Variants in PPP2R5C observed in about 807,000 individuals in gnomAD.
The protein encoded by PPP2R5C is serine/threonine-protein phosphatase 2A 56 kDa regulatory subunit gamma isoform.
PPP2R5C carries 7 observed loss-of-function variants against 68.9 expected under a neutral mutation model. That is an observed-to-expected ratio of 0.10 (90% CI 0.06 to 0.19). PPP2R5C has a LOEUF of 0.19. Ranked by LOEUF, PPP2R5C falls within the 10% of genes least tolerant of loss-of-function variation. The pLI, the probability that PPP2R5C is intolerant of heterozygous loss-of-function variation, is 1.00. For synonymous variants in PPP2R5C, 210 were observed against 222.2 expected, an observed-to-expected ratio of 0.95 and a Z score of 0.49; for missense variants, 348 against 641.3, an observed-to-expected ratio of 0.54 and a Z score of 4.94.
Position 101,899,723 on chromosome 14 carries a change from ATTCCAATACAC to A in PPP2R5C, c.853-1995_853-1985del, listed in dbSNP as rs1358412474. 6.6e-6 allele frequency among the ~76,000 whole-genome samples: 1 copy of A among 152,220 alleles called. No homozygotes were observed. The highest frequency in any genetic ancestry group is 6.5e-5 in the Admixed American group (1 of 15,282). Reference sequence around the variant, plus strand: ...TCCATCTGCTGTGTCCTTAATAGTGATTCCAATACACGCAAAGTGTGGTAGGAACACAATAA... The same window carrying A: ...TCCATCTGCTGTGTCCTTAATAGTGAGCAAAGTGTGGTAGGAACACAATAA... On this transcript the variant is annotated intron_variant, in intron 8 of 13. Coordinates refer to ENST00000334743, the Ensembl canonical transcript of PPP2R5C. This position sits in a 1 kb window ranked among gnomAD's most constrained non-coding sequence, Gnocchi z 4.2.
rs574688448 is a variant in PPP2R5C at position 101,804,568 on chromosome 14, C to T, written c.259+18385C>T. ...AGAAAGATCCAGTCATCTGCAGCAA[C>T]ATGGATGGAACTGGAGATCTTTATG... On this transcript the variant is annotated intron_variant, in intron 3 of 14. Transcript: ENST00000328724. Among the ~76,000 whole-genome samples, 30 of 152,254 alleles carry T rather than the reference C, an allele frequency of 2.0e-4. 1 individual carries two copies. Among genetic ancestry groups the T allele is most frequent in the Non-Finnish European group, 7.4e-5 (5 of 68,026 alleles).
intron 2 of PPP2R5C, among the ~76,000 whole-genome samples, chr14:101,858,142 C>T (rs567004495): frequency 6.6e-6 from 1 of 152,136 alleles, no homozygotes; most frequent in Non-Finnish European, 1.5e-5. Flanking sequence ...ATAAACTGAG[C>T]AGAGAATATA....
At chr14:101,815,963 C>A (rs2039641034) in intron 1 of PPP2R5C, among the ~76,000 whole-genome samples, 1 of 152,232 alleles carries the variant, frequency 6.6e-6, no homozygotes, top group African/African-American at 2.4e-5. Context: ...AGCCACCACA[C>A]CCGGCCTATC....
intron 2 of PPP2R5C, among the ~76,000 whole-genome samples, chr14:101,784,510 TG>T (rs36040425): frequency 0.028 from 3,466 of 123,432 alleles, 130 homozygotes; most frequent in African/African-American, 0.095. Flanking sequence ...AGAGAGAAAG[TG>T]GGGGGGGGGA....
chr14:101,830,515 T>G (rs1475522480), intron 1 of PPP2R5C, among the ~76,000 whole-genome samples: 2 of 152,210 alleles, frequency 1.3e-5, no homozygotes, highest in Admixed American at 1.3e-4. Flanking sequence ...GGTGGGGCCC[T>G]GGATTGGACG....
chr14:101,808,312 C>T (rs1224755050), upstream of PPP2R5C, among the ~76,000 whole-genome samples: 4 of 152,114 alleles, frequency 2.6e-5, no homozygotes, highest in Admixed American at 2.0e-4. Flanking sequence ...GTTCAGATAG[C>T]AGCAAAGTCA....
intron 2 of PPP2R5C, among the ~76,000 whole-genome samples, chr14:101,784,482 T>G (rs935744263): frequency 2.1e-5 from 3 of 145,932 alleles, no homozygotes; most frequent in African/African-American, 7.6e-5. Flanking sequence ...AGGCACTTCT[T>G]ACACGGCAGC....
rs139795955 is a variant in PPP2R5C, at chr14:101,891,724, C to G, written c.690-1276C>G. Among the ~76,000 whole-genome samples, 2 of 152,160 alleles carry G rather than the reference C, an allele frequency of 1.3e-5. No homozygotes were observed. The highest frequency in any genetic ancestry group is 2.9e-5 in the Non-Finnish European group (2 of 68,026). On this transcript the variant is annotated intron_variant, in intron 6 of 13. Coordinates refer to ENST00000334743, the Ensembl canonical transcript of PPP2R5C. This position sits in a 1 kb window ranked among gnomAD's most constrained non-coding sequence, Gnocchi z 4.9. ...AGTGAGCACACCCTCCTTGATGGGC[C>G]GCTCCAGGCTCGCCCTTCCCGCATT...
intron 1 of PPP2R5C, among the ~76,000 whole-genome samples, chr14:101,851,212 A>G (rs1746592): frequency 0.23 from 35,332 of 152,094 alleles, 4,206 homozygotes; most frequent in African/African-American, 0.27. Flanking sequence ...CAGGAGGATC[A>G]CTTGAGCCCA....
In PPP2R5C at chr14:101,825,249, T is replaced by TG. The variant is rs1566875325; in HGVS notation, c.94+15213_94+15214insG. On this transcript the variant is annotated intron_variant, in intron 1 of 13. Transcript: ENST00000334743. The surrounding 1 kb of genome is among the most constrained non-coding windows in gnomAD (Gnocchi z 4.0). ...GTGTGTGTGTGTGTGTGTGTGTGTG[T>TG]TGATGAATTTATTACTTATTAAAAA... Among the ~76,000 whole-genome samples, 25 of 139,510 alleles carry TG rather than the reference T, an allele frequency of 1.8e-4. No individual in the cohort carries two copies. Among genetic ancestry groups the TG allele is most frequent in the African/African-American group, 6.0e-4 (23 of 38,558 alleles). The allele number at this position is 139,510 out of a possible 152,430, so 91.5% of individuals were successfully genotyped here.
chr14:101,922,804 A>G (rs1253823898), intron 13 of PPP2R5C, among the ~76,000 whole-genome samples: 3 of 152,060 alleles, frequency 2.0e-5, no homozygotes, highest in African/African-American at 7.2e-5. Flanking sequence ...GGTGACAGAG[A>G]CCCTGTCTCT....
chr14:101,771,359 A>G (rs1363908598), intron 2 of PPP2R5C, among the ~76,000 whole-genome samples: 9 of 151,308 alleles, frequency 5.9e-5, no homozygotes, highest in East Asian at 5.9e-4. Flanking sequence ...GGTTCAAGCT[A>G]TTCTCCTGCC....
Position 101,906,492 on chromosome 14 carries a change from C to T in PPP2R5C, c.1114C>T (p.Pro372Ser). 6.2e-7 allele frequency: 1 copy of T among 1,613,544 alleles called. No homozygotes were observed. Among genetic ancestry groups the T allele is most frequent in the Non-Finnish European group, 8.5e-7 (1 of 1,179,876 alleles). Residue 372 changes from proline to serine, a missense_variant, in exon 10 of 14, where the codon CCT (proline) becomes TCT (serine). This residue lies in a region of PPP2R5C where 101 missense variants were observed against 209.8 expected (regional missense o/e 0.48). Coordinates refer to ENST00000334743, the Ensembl canonical transcript of PPP2R5C. The surrounding 1 kb of genome is among the most constrained non-coding windows in gnomAD (Gnocchi z 4.0). ...AGCGAAGATTCTGCCCATCATGTTT[C>T]CTTCCTTGTACCGCAACTCAAAGAC...
chr14:101,795,409 G>A (rs1443067571), intron 3 of PPP2R5C, among the ~76,000 whole-genome samples: 2 of 152,040 alleles, frequency 1.3e-5, no homozygotes, highest in Non-Finnish European at 2.9e-5. Context: ...TAACCAGTGA[G>A]GTTGAATATA....
intron 9 of PPP2R5C, among the ~76,000 whole-genome samples, chr14:101,905,385 G>A (rs1018881338): frequency 1.1e-4 from 16 of 151,412 alleles, no homozygotes; most frequent in Non-Finnish European, 2.1e-4. Context: ...TGGGCTAGGC[G>A]TGGTAGCTCA....
At chr14:101,762,766 T>C (rs763454379) in intron 1 of PPP2R5C, 139 bp from the exon 2 acceptor site, 19 of 720,588 alleles carry the variant, frequency 2.6e-5, no homozygotes, top group African/African-American at 7.1e-5. Context: ...CGGTATGATA[T>C]AGAATTTCCT....
At chr14:101,801,971 T>C (rs1025137514) in intron 3 of PPP2R5C, among the ~76,000 whole-genome samples, 6 of 152,200 alleles carry the variant, frequency 3.9e-5, no homozygotes, top group Non-Finnish European at 8.8e-5. Flanking sequence ...CAAGACTGTG[T>C]AGTACTGGCA....
At chr14:101,892,944 T>G in intron 6 of PPP2R5C, 56 bp from the exon 9 acceptor site, 1 of 1,312,922 alleles carries the variant, frequency 7.6e-7, no homozygotes, top group Non-Finnish European at 1.1e-6. Context: ...GGCAAGATAT[T>G]TGTTTAAAAC....
chr14:101,910,052 G>A (rs544470207), intron 11 of PPP2R5C, among the ~76,000 whole-genome samples: 2 of 152,160 alleles, frequency 1.3e-5, no homozygotes, highest in Non-Finnish European at 2.9e-5. Context: ...ATCCTATAAG[G>A]TTTATCCCAG....
Sources: allele counts gnomAD v4.1 joint callset (sites outside exome capture counted in the v4.1 genomes callset), GRCh38; gene constraint gnomAD v4.1.1; regional missense constraint gnomAD v4.1.1; non-coding constraint Gnocchi (gnomAD v3.1); transcripts MANE v1.5; gene names NCBI Gene and HGNC (gene_info 2026-07-23, HGNC 2026-07-21).